The following NRXN3 variants were observed in gnomAD, a reference collection of about 807,000 sequenced individuals.
NRXN3 encodes the protein neurexin III.
Under a neutral mutation model 137.6 loss-of-function variants are expected in NRXN3, and 32 were observed. That is an observed-to-expected ratio of 0.23 (90% CI 0.18 to 0.31). The LOEUF is 0.31. Ranked by LOEUF, NRXN3 falls within the 10% of genes least tolerant of loss-of-function variation. The pLI is 1.00. For synonymous variants in NRXN3, 798 were observed against 784.5 expected (o/e 1.02, Z -0.29); for missense variants, 1,574 against 2,062.5 (o/e 0.76, Z 4.59).
rs577633684 is a variant in NRXN3, at chr14:78,985,014, A to T, written c.3143-3008A>T. Reference sequence around the variant, plus strand: ...GTAGTCAGTCTTCCGGTACTATCTGATTCTACATGGCCTTTGCCCCTTAAT... The same window carrying T: ...GTAGTCAGTCTTCCGGTACTATCTGTTTCTACATGGCCTTTGCCCCTTAAT... On this transcript the variant is annotated intron_variant, in intron 14 of 20. Transcript: ENST00000335750. Among the ~76,000 whole-genome samples the T allele has an allele frequency of 7.2e-5, 11 of 152,320 alleles. No individual in the cohort carries two copies. In the East Asian group the frequency reaches 2.1e-3, roughly 29 times the overall value.
intron 4 of NRXN3, among the ~76,000 whole-genome samples, chr14:78,549,710 A>G (rs2096668444): frequency 1.3e-5 from 2 of 152,074 alleles, no homozygotes; most frequent in Non-Finnish European, 2.9e-5. Flanking sequence ...TAATTTTGCC[A>G]TTTCTCCTCT....
intron 10 of NRXN3, among the ~76,000 whole-genome samples, chr14:78,868,815 C>T (rs1479253271): frequency 6.6e-6 from 1 of 151,544 alleles, no homozygotes. Flanking sequence ...AAGCGAAACT[C>T]CATCTCAAAA....
intron 20 of NRXN3, among the ~76,000 whole-genome samples, chr14:79,856,698 A>C (rs1215379624): frequency 6.6e-6 from 1 of 151,356 alleles, no homozygotes; most frequent in Admixed American, 6.6e-5. Context: ...GAATTCTATT[A>C]AATTTTTTAT....
intron 15 of NRXN3, among the ~76,000 whole-genome samples, chr14:79,254,167 C>A (rs1336398071): frequency 6.6e-6 from 1 of 152,162 alleles, no homozygotes; most frequent in Non-Finnish European, 1.5e-5. Context: ...TGAAGGCCAT[C>A]TTCCAAAAGT....
intron 4 of NRXN3, among the ~76,000 whole-genome samples, chr14:78,623,725 G>A (rs982201943): frequency 6.6e-6 from 1 of 151,996 alleles, no homozygotes; most frequent in Admixed American, 6.6e-5. Context: ...ACACCACCAC[G>A]CCTGGCTAAT....
intron 10 of NRXN3, among the ~76,000 whole-genome samples, chr14:78,881,030 A>G (rs1475848967): frequency 2.6e-5 from 4 of 151,666 alleles, no homozygotes; most frequent in Middle Eastern, 3.4e-3. Context: ...ACAAGATTTG[A>G]TGGTTTCATA....
intron 19 of NRXN3, among the ~76,000 whole-genome samples, chr14:79,785,490 C>G (rs1157900208): frequency 6.6e-6 from 1 of 152,162 alleles, no homozygotes; most frequent in Non-Finnish European, 1.5e-5. Context: ...CTATCTGCTC[C>G]CACCTTTGAC....
intron 15 of NRXN3, among the ~76,000 whole-genome samples, chr14:79,173,217 G>T (rs2061957480): frequency 6.6e-6 from 1 of 152,052 alleles, no homozygotes; most frequent in Non-Finnish European, 1.5e-5. Context: ...GAGAAAAAAG[G>T]TCAACATATA....
intron 15 of NRXN3, among the ~76,000 whole-genome samples, chr14:79,463,274 C>T (rs1334296077): frequency 6.6e-6 from 1 of 152,116 alleles, no homozygotes. Context: ...TTAGCTTGTT[C>T]CGTAACTTTC....
At chr14:78,662,163 C>T (rs185553551) in intron 6 of NRXN3, among the ~76,000 whole-genome samples, 99 of 151,916 alleles carry the variant, frequency 6.5e-4, no homozygotes, top group African/African-American at 1.9e-3. Flanking sequence ...TAAGCCACTG[C>T]GCCAGGCCCA....
At chr14:79,238,294 G>C (rs1018355924) in intron 15 of NRXN3, among the ~76,000 whole-genome samples, 2 of 35,572 alleles carry the variant, frequency 5.6e-5, no homozygotes, top group Non-Finnish European at 1.2e-4. Flanking sequence ...TAAATACTTA[G>C]ATTAGTTACA....
At chr14:78,177,107 C>G (rs1303909064) in intron 1 of NRXN3, among the ~76,000 whole-genome samples, 1 of 152,192 alleles carries the variant, frequency 6.6e-6, no homozygotes, top group Non-Finnish European at 1.5e-5. Context: ...AGGCTCCATT[C>G]AGAGAGCCAA....
chr14:78,267,399 A>G (rs1234977571), intron 2 of NRXN3, among the ~76,000 whole-genome samples: 1 of 152,160 alleles, frequency 6.6e-6, no homozygotes, highest in Non-Finnish European at 1.5e-5. Flanking sequence ...TGTCTTTACA[A>G]AAAATTCCTC....
intron 10 of NRXN3, among the ~76,000 whole-genome samples, chr14:78,831,147 C>G (rs1279391647): frequency 6.6e-6 from 1 of 152,076 alleles, no homozygotes. Context: ...TTTATGGGAC[C>G]AAGGTCACGT....
intron 19 of NRXN3, among the ~76,000 whole-genome samples, chr14:79,767,995 C>A (rs548975990): frequency 6.6e-6 from 1 of 152,308 alleles, no homozygotes; most frequent in East Asian, 1.9e-4. Context: ...CTTTCCTAGT[C>A]AAAGAAAGTG....
chr14:78,368,544 A>C (rs2086336626), intron 4 of NRXN3, among the ~76,000 whole-genome samples: 1 of 152,156 alleles, frequency 6.6e-6, no homozygotes, highest in Admixed American at 6.5e-5. Context: ...ATACAAAAAA[A>C]ATTAGCCAGG....
At chr14:79,510,857 A>G (rs2096926035) in intron 16 of NRXN3, among the ~76,000 whole-genome samples, 1 of 152,122 alleles carries the variant, frequency 6.6e-6, no homozygotes, top group Non-Finnish European at 1.5e-5. Context: ...GACTACGAGT[A>G]ATTAAAAATA....
chr14:79,614,041 A>C (rs555777288), intron 16 of NRXN3, among the ~76,000 whole-genome samples: 3 of 152,396 alleles, frequency 2.0e-5, no homozygotes, highest in South Asian at 4.1e-4. Flanking sequence ...ATGTCCAATT[A>C]TCTGACTGCC....
At chr14:79,570,057 C>T (rs1160428414) in intron 16 of NRXN3, among the ~76,000 whole-genome samples, 2 of 152,206 alleles carry the variant, frequency 1.3e-5, no homozygotes, top group African/African-American at 4.8e-5. Context: ...TAGTCCTCCA[C>T]CAAAACTCTT....
Sources: gnomAD v4.1 joint callset for allele counts (sites outside exome capture counted in the v4.1 genomes callset) on GRCh38, gnomAD v4.1.1 for gene constraint, MANE v1.5 for transcripts, NCBI Gene and HGNC (gene_info 2026-07-23, HGNC 2026-07-21) for gene names.